Variants in PALLD observed in about 807,000 individuals in gnomAD.
PALLD encodes the protein palladin, cytoskeletal associated protein.
A neutral mutation model predicts 123.5 loss-of-function variants in PALLD; 61 were observed. The observed-to-expected ratio is 0.49, with a 90% CI of 0.40 to 0.61. The LOEUF is 0.61. Among genes scored for constraint, PALLD ranks in the 20% least tolerant of loss-of-function variants. The pLI is 0.00. For missense variants in PALLD, 1,273 were observed against 1,377.0 expected, an observed-to-expected ratio of 0.92 and a Z score of 1.20; for synonymous variants, 465 against 496.4, an observed-to-expected ratio of 0.94 and a Z score of 0.84.
chr4:168,830,949 A>C (rs905781212), intron 10 of PALLD, among the ~76,000 whole-genome samples: 3 of 152,258 alleles, frequency 2.0e-5, no homozygotes, highest in Non-Finnish European at 4.4e-5. Context: ...AGCCTGGCAC[A>C]ACAGTAAGTT....
intron 2 of PALLD, among the ~76,000 whole-genome samples, chr4:168,538,840 T>C (rs17054330): frequency 0.14 from 20,709 of 152,182 alleles, 1,483 homozygotes; most frequent in African/African-American, 0.19. Flanking sequence ...TTACCCGCGA[T>C]TGGTGTCTGT....
At chr4:168,835,812 C>T (rs552068946) in intron 10 of PALLD, among the ~76,000 whole-genome samples, 6 of 152,102 alleles carry the variant, frequency 3.9e-5, no homozygotes, top group Non-Finnish European at 7.3e-5. Context: ...GATTCTCGTG[C>T]CTCAGCCTCC....
At chr4:168,841,498 A>G (rs1746024714) in intron 10 of PALLD, among the ~76,000 whole-genome samples, 1 of 152,252 alleles carries the variant, frequency 6.6e-6, no homozygotes, top group South Asian at 2.1e-4. Flanking sequence ...GGAACCACAC[A>G]GTGGCAGTTT....
chr4:168,674,198 A>C (rs1780603604), intron 3 of PALLD, among the ~76,000 whole-genome samples: 1 of 152,206 alleles, frequency 6.6e-6, no homozygotes. Context: ...TACAGGCATG[A>C]GCCACTGCGT....
chr4:168,828,751 G>A (rs891826242), intron 10 of PALLD, among the ~76,000 whole-genome samples: 5 of 152,216 alleles, frequency 3.3e-5, no homozygotes, highest in African/African-American at 9.6e-5. Flanking sequence ...AAATTTGCAT[G>A]TTTGAAGCCT....
chr4:168,782,989 T>C (rs201084402), intron 10 of PALLD, among the ~76,000 whole-genome samples: 1 of 151,992 alleles, frequency 6.6e-6, no homozygotes, highest in African/African-American at 2.4e-5. Context: ...TGGACCATAG[T>C]TTGCCAACCC....
At position 168,690,655 on chromosome 4, in the gene PALLD, G is replaced by A. The variant is rs778109369; in HGVS notation, c.1388G>A (p.Arg463Gln). Residue 463 changes from arginine to glutamine, a missense_variant, in exon 7 of 22, where the codon CGG (arginine) becomes CAG (glutamine). By Grantham distance (43) the Arg-to-Gln change is conservative. Around this residue, in one of 2 missense-constraint regions of PALLD, gnomAD observed 944 missense variants for 954.5 expected, o/e 0.99. Transcript: ENST00000505667. The part of the protein sequence containing the change: ...AEGQVVVLEC[R>Q]VRGAPPLQVQ... Reference sequence around the variant, plus strand: ...GGCCAGGTGGTGGTTCTGGAGTGCCGGGTCCGTGGGGCACCCCCTCTGCAG... The same window carrying A: ...GGCCAGGTGGTGGTTCTGGAGTGCCAGGTCCGTGGGGCACCCCCTCTGCAG... 8 of 1,614,092 alleles carry A rather than the reference G, an allele frequency of 5.0e-6. No individual in the cohort carries two copies. The highest frequency in any genetic ancestry group is 2.2e-5 in the South Asian group (2 of 91,080).
chr4:168,508,784 TC>T (rs11299423), intron 1 of PALLD, among the ~76,000 whole-genome samples: 55,590 of 151,716 alleles, frequency 0.37, 10,294 homozygotes, highest in African/African-American at 0.42. Context: ...CCCCCGAGTC[TC>T]CCCCTCTCCA....
At chr4:168,689,432 CTTTTTTTTTTTTTT>C (rs70961551) in intron 6 of PALLD, among the ~76,000 whole-genome samples, 118 of 49,858 alleles carry the variant, frequency 2.4e-3, no homozygotes, top group Middle Eastern at 0.018. Flanking sequence ...ATCCAATATT[CTTTTTTTTTTTTTT>C]TTTTTTTTTT....
At chr4:168,736,889 GA>G (rs1787811356) in intron 10 of PALLD, among the ~76,000 whole-genome samples, 1 of 152,162 alleles carries the variant, frequency 6.6e-6, no homozygotes, top group Non-Finnish European at 1.5e-5. Context: ...GAAACAGTGG[GA>G]GGGGGAGGGG....
chr4:168,600,106 C>CAT (rs200601454), intron 2 of PALLD, among the ~76,000 whole-genome samples: 1,558 of 149,620 alleles, frequency 0.01, 44 homozygotes, highest in African/African-American at 0.035. Flanking sequence ...TGTATGCACA[C>CAT]ATATATATAC....
intron 10 of PALLD, among the ~76,000 whole-genome samples, chr4:168,798,154 A>G (rs1738791332): frequency 6.6e-6 from 1 of 152,100 alleles, no homozygotes; most frequent in Non-Finnish European, 1.5e-5. Context: ...GCTTTCTATG[A>G]TGAGTAGATG....
At chr4:168,646,344 G>A (rs1005605983) in intron 2 of PALLD, among the ~76,000 whole-genome samples, 4 of 152,122 alleles carry the variant, frequency 2.6e-5, no homozygotes, top group Admixed American at 6.6e-5. Context: ...AGATGACTTC[G>A]GGGCCACCAG....
intron 2 of PALLD, among the ~76,000 whole-genome samples, chr4:168,523,616 A>G (rs1175929828): frequency 1.3e-5 from 2 of 152,174 alleles, no homozygotes; most frequent in Non-Finnish European, 2.9e-5. Flanking sequence ...ATGAGAAGGT[A>G]TTGATAAATA....
intron 10 of PALLD, among the ~76,000 whole-genome samples, chr4:168,890,658 T>G (rs2151192035): frequency 6.6e-6 from 1 of 152,122 alleles, no homozygotes; most frequent in East Asian, 1.9e-4. Context: ...GACTTAAATG[T>G]AGGCCTTCCC....
chr4:168,635,685 A>C (rs566318902), intron 2 of PALLD, among the ~76,000 whole-genome samples: 1 of 152,298 alleles, frequency 6.6e-6, no homozygotes, highest in South Asian at 2.1e-4. Context: ...GCAGCCATCA[A>C]CCCAGGGTCT....
chr4:168,647,012 C>T (rs552964657), intron 2 of PALLD, among the ~76,000 whole-genome samples: 1 of 152,164 alleles, frequency 6.6e-6, no homozygotes, highest in East Asian at 1.9e-4. Flanking sequence ...AAAACATGGC[C>T]TACCTCTCAA....
intron 10 of PALLD, among the ~76,000 whole-genome samples, chr4:168,821,902 GTT>G (rs1442292645): frequency 4.4e-5 from 6 of 136,940 alleles, no homozygotes; most frequent in African/African-American, 1.6e-4. Context: ...AAAAAAAAAA[GTT>G]TTAGTATTTT....
chr4:168,508,663 TAACA>T (rs1266606268), intron 1 of PALLD, among the ~76,000 whole-genome samples: 1 of 152,060 alleles, frequency 6.6e-6, no homozygotes, highest in African/African-American at 2.4e-5. Context: ...AATAAATAAA[TAACA>T]AATAAAAAAC....
Sources: allele counts gnomAD v4.1 joint callset (sites outside exome capture counted in the v4.1 genomes callset), GRCh38; gene constraint gnomAD v4.1.1; regional missense constraint gnomAD v4.1.1; transcripts MANE v1.5; gene names NCBI Gene and HGNC (gene_info 2026-07-23, HGNC 2026-07-21).